The following ALCAM variants were observed in gnomAD, a reference collection of about 807,000 sequenced individuals.
ALCAM encodes the protein activated leukocyte cell adhesion molecule, also known as CD166 antigen.
Under a neutral mutation model 70.9 loss-of-function variants are expected in ALCAM, and 30 were observed. That is an observed-to-expected ratio of 0.42 (90% CI 0.32 to 0.57). ALCAM has a LOEUF of 0.57. Among genes scored for constraint, ALCAM ranks in the 20% least tolerant of loss-of-function variants. The pLI is 0.11. For missense variants in ALCAM, 591 were observed against 695.1 expected, an observed-to-expected ratio of 0.85 and a Z score of 1.68; for synonymous variants, 249 against 242.5, an observed-to-expected ratio of 1.03 and a Z score of -0.25.
intron 1 of ALCAM, among the ~76,000 whole-genome samples, chr3:105,476,148 T>A (rs1297365060): frequency 6.6e-6 from 1 of 152,002 alleles, no homozygotes; most frequent in Admixed American, 6.6e-5. Context: ...GATGATTTCT[T>A]CTTTGAAACA....
chr3:105,445,702 A>G (rs1260794865), intron 1 of ALCAM, among the ~76,000 whole-genome samples: 1 of 152,240 alleles, frequency 6.6e-6, no homozygotes, highest in East Asian at 1.9e-4. Flanking sequence ...CTTATTTTCA[A>G]CAAAGGTGCC....
Position 105,574,701 on chromosome 3 carries a change from C to G in ALCAM, c.*250C>G, listed in dbSNP as rs1940924264. The G allele has an allele frequency of 6.6e-6, 1 of 152,494 alleles. No homozygotes were observed. The highest frequency in any genetic ancestry group is 2.4e-5 in the African/African-American group (1 of 41,426). The allele number at this position is 152,494 out of a possible 1,614,324, so 9.4% of individuals were successfully genotyped here. ...AATAGGTCATATGTTGTGTTTGGTT[C>G]AATTTTTTTTCCGTAAATGTCTGCA... On this transcript the variant is annotated 3_prime_UTR_variant, in exon 16 of 16. Coordinates refer to ENST00000306107, the MANE Select transcript of ALCAM (RefSeq NM_001627.4).
At chr3:105,542,085 A>T (rs911661088) in intron 8 of ALCAM, among the ~76,000 whole-genome samples, 1 of 151,908 alleles carries the variant, frequency 6.6e-6, no homozygotes, top group Non-Finnish European at 1.5e-5. Flanking sequence ...TTTTAAGAAA[A>T]CATTTCCATG....
At chr3:105,565,043 A>C (rs1940712446) in intron 14 of ALCAM, among the ~76,000 whole-genome samples, 1 of 152,086 alleles carries the variant, frequency 6.6e-6, no homozygotes, top group Non-Finnish European at 1.5e-5. Flanking sequence ...AGAAAAAAAA[A>C]CAGAGGCTAA....
In ALCAM at chr3:105,575,276, A is replaced by T. The variant is rs987741488; in HGVS notation, c.*825A>T. The T allele has an allele frequency of 6.6e-6, 1 of 152,646 alleles. No individual in the cohort carries two copies. The highest frequency in any genetic ancestry group is 6.5e-5 in the Admixed American group (1 of 15,268). The allele number at this position is 152,646 out of a possible 1,614,324, so 9.5% of individuals were successfully genotyped here. On this transcript the variant is annotated 3_prime_UTR_variant, in exon 16 of 16. Coordinates refer to ENST00000306107, the MANE Select transcript of ALCAM (RefSeq NM_001627.4). ...AGACAGTTTGGAAAAATCATGGTCA[A>T]CATTCCCATTTTCATAGATCACAAT...
chr3:105,384,408 G>A (rs1935598794), intron 1 of ALCAM, among the ~76,000 whole-genome samples: 1 of 151,394 alleles, frequency 6.6e-6, no homozygotes, highest in African/African-American at 2.4e-5. Context: ...TTCAACTTAA[G>A]TCCTTTTTTT....
At chr3:105,555,666 A>G (rs10933823) in intron 14 of ALCAM, among the ~76,000 whole-genome samples, 64,352 of 151,850 alleles carry the variant, frequency 0.42, 14,646 homozygotes, top group East Asian at 0.68. Flanking sequence ...ATTTAAGAGT[A>G]CATTTGCTAA....
intron 3 of ALCAM, among the ~76,000 whole-genome samples, 185 bp from the exon 4 acceptor site, chr3:105,531,817 A>G (rs951236355): frequency 6.6e-6 from 1 of 152,200 alleles, no homozygotes; most frequent in African/African-American, 2.4e-5. Flanking sequence ...AATATTTAAG[A>G]TAATAAATAT....
chr3:105,418,999 C>T (rs751554), intron 1 of ALCAM, among the ~76,000 whole-genome samples: 13,153 of 151,706 alleles, frequency 0.087, 658 homozygotes, highest in Non-Finnish European at 0.12. Flanking sequence ...ATTGATACAT[C>T]CTACTTTCTT....
intron 1 of ALCAM, among the ~76,000 whole-genome samples, chr3:105,484,715 C>A (rs921395019): frequency 4.6e-5 from 7 of 151,994 alleles, no homozygotes; most frequent in Admixed American, 3.3e-4. Context: ...CATTAACATC[C>A]AAAGGCATTT....
intron 1 of ALCAM, among the ~76,000 whole-genome samples, chr3:105,499,608 A>T (rs75961638): frequency 2.0e-5 from 3 of 152,194 alleles, no homozygotes; most frequent in Admixed American, 1.3e-4. Context: ...GTCTTTCTAC[A>T]TACAAATTAA....
chr3:105,423,095 A>G (rs1418020851), intron 1 of ALCAM, among the ~76,000 whole-genome samples: 5 of 151,490 alleles, frequency 3.3e-5, no homozygotes, highest in African/African-American at 4.8e-5. Context: ...GAAATTTTTT[A>G]TAAGAGATGC....
chr3:105,491,793 C>T (rs1416118119), intron 1 of ALCAM, among the ~76,000 whole-genome samples: 1 of 152,216 alleles, frequency 6.6e-6, no homozygotes, highest in Non-Finnish European at 1.5e-5. Flanking sequence ...TCACTATCAT[C>T]ATTTTGGTCA....
At chr3:105,528,157 T>G (rs1008367408) in intron 3 of ALCAM, among the ~76,000 whole-genome samples, 1 of 152,152 alleles carries the variant, frequency 6.6e-6, no homozygotes, top group African/African-American at 2.4e-5. Context: ...ATCCTATGTG[T>G]GGGTTTTTAT....
chr3:105,391,464 T>TGA (rs1052335941), intron 1 of ALCAM, among the ~76,000 whole-genome samples: 3 of 152,098 alleles, frequency 2.0e-5, no homozygotes, highest in Non-Finnish European at 2.9e-5. Context: ...GAGACTTTGC[T>TGA]GAGGTTGCTT....
At chr3:105,550,796 A>G (rs923165389) in intron 12 of ALCAM, among the ~76,000 whole-genome samples, 2 of 151,578 alleles carry the variant, frequency 1.3e-5, no homozygotes, top group African/African-American at 4.8e-5. Context: ...TTGTCATATC[A>G]TATTTAAACT....
chr3:105,457,383 A>T (rs1464365658), intron 1 of ALCAM, among the ~76,000 whole-genome samples: 1 of 152,030 alleles, frequency 6.6e-6, no homozygotes, highest in Non-Finnish European at 1.5e-5. Flanking sequence ...TATAGAGGGG[A>T]ACACTCTGGG....
intron 1 of ALCAM, among the ~76,000 whole-genome samples, chr3:105,455,776 T>G (rs1441835332): frequency 7.2e-5 from 11 of 152,206 alleles, no homozygotes; most frequent in Non-Finnish European, 1.2e-4. Context: ...CCGGGAAATT[T>G]CTACCTAAAT....
intron 1 of ALCAM, among the ~76,000 whole-genome samples, chr3:105,497,760 G>A (rs1487336825): frequency 1.3e-5 from 2 of 152,098 alleles, no homozygotes; most frequent in Non-Finnish European, 2.9e-5. Context: ...GCCTGGGTGA[G>A]GTCGCTCACG....
Sources: allele counts gnomAD v4.1 joint callset (sites outside exome capture counted in the v4.1 genomes callset), GRCh38; gene constraint gnomAD v4.1.1; transcripts MANE v1.5; gene names NCBI Gene and HGNC (gene_info 2026-07-23, HGNC 2026-07-21).